Variants in OMA1 observed in about 807,000 individuals in gnomAD.
The protein encoded by OMA1 is metalloendopeptidase OMA1, mitochondrial.
OMA1 carries 38 observed loss-of-function variants against 30.9 expected under a neutral mutation model. That is an observed-to-expected ratio of 1.23 (90% CI 0.95 to 1.61). The LOEUF (loss-of-function observed/expected upper bound fraction) is 1.61. Ranked by LOEUF, OMA1 falls within the 40% of genes most tolerant of loss-of-function variation. OMA1 has a pLI of 0.00. For synonymous variants in OMA1, 173 were observed against 121.9 expected (o/e 1.42, Z -2.76); for missense variants, 461 against 349.2 (o/e 1.32, Z -2.55).
intron 7 of OMA1, among the ~76,000 whole-genome samples, chr1:58,511,124 C>T (rs1447576918): frequency 2.0e-5 from 3 of 152,026 alleles, no homozygotes; most frequent in African/African-American, 7.2e-5. Context: ...ACAGAAAAAA[C>T]GATCCTAAAA....
At chr1:58,488,715 G>C (rs1645620249) in intron 8 of OMA1, among the ~76,000 whole-genome samples, 1 of 152,216 alleles carries the variant, frequency 6.6e-6, no homozygotes, top group African/African-American at 2.4e-5. Flanking sequence ...CTCCAAAAGT[G>C]CTGGGATTAC....
In OMA1 at chr1:58,527,305, A is replaced by G. The variant is rs777984806; in HGVS notation, c.1171T>C (p.Leu391=). 5 of 872,086 alleles carry G rather than the reference A, an allele frequency of 5.7e-6. No homozygotes were observed. In the Admixed American group the frequency reaches 8.5e-5, roughly 15 times the overall value. The allele number at this position is 872,086 out of a possible 1,614,324, so 54.0% of individuals were successfully genotyped here. A position where few individuals can be genotyped will look rare whatever the true frequency, so the allele number is the denominator to read the frequency against. The change falls in exon 7 of 9, where the codon TTG becomes CTG. Residue 391 remains leucine (L), a synonymous_variant. Transcript: ENST00000371226. ...YMFNRPYSRK[L]EAEADKIGLL... is the part of the protein sequence containing the mutation. ...CCAATTTTGTCAGCTTCGGCCTCCA[A>G]TTTTCTGCTGTATGGTCTATTAAAC... is the stretch of plus-strand genomic sequence containing the variant.
intron 7 of OMA1, among the ~76,000 whole-genome samples, chr1:58,506,854 C>T (rs1645997699): frequency 6.6e-6 from 1 of 151,936 alleles, no homozygotes; most frequent in Admixed American, 6.6e-5. Flanking sequence ...AATTCATATA[C>T]CTTATAAAAC....
At chr1:58,526,332 C>A (rs1428753556) in intron 7 of OMA1, among the ~76,000 whole-genome samples, 1 of 152,036 alleles carries the variant, frequency 6.6e-6, no homozygotes, top group Non-Finnish European at 1.5e-5. Flanking sequence ...ATCCATAAAA[C>A]TTATGAGAGG....
intron 8 of OMA1, among the ~76,000 whole-genome samples, chr1:58,498,621 A>C (rs1254502180): frequency 6.6e-6 from 1 of 152,058 alleles, no homozygotes; most frequent in Non-Finnish European, 1.5e-5. Context: ...CAGAACAAAA[A>C]CTCTATAAAG....
In OMA1 at chr1:58,538,858, G is replaced by A. The variant is rs139772831; in HGVS notation, c.437C>T (p.Pro146Leu). The A allele has an allele frequency of 1.8e-5, 16 of 871,534 alleles. No individual in the cohort carries two copies. Among genetic ancestry groups the A allele is most frequent in the South Asian group, 6.6e-5 (5 of 76,254 alleles). 54.0% of individuals were successfully genotyped at this position (871,534 alleles called of 1,614,324 possible). A position where few individuals can be genotyped will look rare whatever the true frequency, so the allele number is the denominator to read the frequency against. The change falls in exon 2 of 9, where the codon CCG (proline) becomes CTG (leucine). Residue 146 changes from proline (P) to leucine (L), a missense_variant. Transcript: ENST00000371226. ...FHTSPRFQAA[P>L]VPLLLMILKP... ...AAGAATCATCAACAAGAGAGGAACC[G>A]GAGCAGCTTGAAACCGTGGAGAAGT...
intron 8 of OMA1, among the ~76,000 whole-genome samples, chr1:58,501,400 A>G (rs1437806377): frequency 6.6e-6 from 1 of 152,208 alleles, no homozygotes; most frequent in African/African-American, 2.4e-5. Context: ...ATTTTCAAAC[A>G]TAAGTGACCT....
intron 8 of OMA1, among the ~76,000 whole-genome samples, chr1:58,502,268 C>T (rs776443173): frequency 6.6e-6 from 1 of 152,156 alleles, no homozygotes; most frequent in African/African-American, 2.4e-5. Context: ...TTCTTGGTTT[C>T]CTATTTGCTT....
intron 5 of OMA1, 130 bp downstream of exon 5, chr1:58,533,823 T>A: frequency 1.5e-6 from 1 of 662,498 alleles, no homozygotes; most frequent in Non-Finnish European, 2.7e-6. Context: ...GGTAGCAGAT[T>A]AAGGCAATTA....
intron 7 of OMA1, among the ~76,000 whole-genome samples, chr1:58,509,145 AC>A (rs2100422877): frequency 6.6e-6 from 1 of 151,446 alleles, no homozygotes; most frequent in South Asian, 2.1e-4. Context: ...GTAGATATCA[AC>A]AATAAGAGTG....
chr1:58,510,143 AG>A (rs2100425212), intron 7 of OMA1, among the ~76,000 whole-genome samples: 1 of 136,042 alleles, frequency 7.4e-6, no homozygotes, highest in African/African-American at 3.0e-5. Context: ...TTATGAGGCC[AG>A]CCATTACCCT....
At chr1:58,508,324 C>T (rs1376672970) in intron 7 of OMA1, among the ~76,000 whole-genome samples, 1 of 152,090 alleles carries the variant, frequency 6.6e-6, no homozygotes, top group Non-Finnish European at 1.5e-5. Flanking sequence ...AAATAAGTAA[C>T]AGGTTGACAT....
chr1:58,535,726 A>G (rs1050883521), intron 3 of OMA1, among the ~76,000 whole-genome samples: 1 of 152,198 alleles, frequency 6.6e-6, no homozygotes, highest in African/African-American at 2.4e-5. Context: ...TGGAGAGAAA[A>G]TGACCTCTGT....
At chr1:58,483,615 A>G (rs1212105151) in intron 8 of OMA1, among the ~76,000 whole-genome samples, 1 of 152,180 alleles carries the variant, frequency 6.6e-6, no homozygotes, top group Non-Finnish European at 1.5e-5. Flanking sequence ...GTTTAAGTAA[A>G]CTGAATTGAC....
intron 7 of OMA1, among the ~76,000 whole-genome samples, chr1:58,513,356 T>C (rs1367847867): frequency 6.6e-6 from 1 of 152,192 alleles, no homozygotes; most frequent in African/African-American, 2.4e-5. Flanking sequence ...CTTTATAAAT[T>C]ACCCAGTCTT....
At chr1:58,487,331 C>A (rs1283031492) in intron 8 of OMA1, among the ~76,000 whole-genome samples, 3 of 152,168 alleles carry the variant, frequency 2.0e-5, no homozygotes, top group African/African-American at 4.8e-5. Context: ...TATGATGCTG[C>A]TCATGCATTT....
At position 58,481,215 on chromosome 1, in the gene OMA1, C is replaced by T. The variant is rs766274122; in HGVS notation, c.1366-41G>A. ...AAAATAAAAAAATACTATATATATA[C>T]ATCAATGTATTCAGATTGTTTCAGT... On this transcript the variant is annotated intron_variant, in intron 8 of 8. Coordinates refer to ENST00000371226, the MANE Select transcript of OMA1 (RefSeq NM_145243.5). 189 of 648,124 alleles carry T rather than the reference C, an allele frequency of 2.9e-4. No homozygotes were observed. The East Asian group carries it at 3.7e-3, about 13-fold the overall frequency. 40.1% of individuals were successfully genotyped at this position (648,124 alleles called of 1,614,324 possible).
At chr1:58,516,954 G>C (rs942897625) in intron 7 of OMA1, among the ~76,000 whole-genome samples, 3 of 152,148 alleles carry the variant, frequency 2.0e-5, no homozygotes, top group Non-Finnish European at 4.4e-5. Flanking sequence ...CTAGGAAGGA[G>C]AGAATTAGGA....
At chr1:58,489,801 C>T (rs1018178229) in intron 8 of OMA1, among the ~76,000 whole-genome samples, 4 of 152,212 alleles carry the variant, frequency 2.6e-5, no homozygotes, top group African/African-American at 9.7e-5. Context: ...CGCTGTTCTG[C>T]AGCCTCCGCT....
Sources: gnomAD v4.1 joint callset for allele counts (sites outside exome capture counted in the v4.1 genomes callset) on GRCh38, gnomAD v4.1.1 for gene constraint, MANE v1.5 for transcripts, NCBI Gene and HGNC (gene_info 2026-07-23, HGNC 2026-07-21) for gene names.